KIF26B: variants seen among roughly 807,000 people sequenced by gnomAD.
KIF26B encodes the protein kinesin-like protein KIF26B.
Under a neutral mutation model 151.2 loss-of-function variants are expected in KIF26B, and 63 were observed. The ratio of observed to expected loss-of-function variants is 0.42; its 90% confidence interval spans 0.34 to 0.51. The LOEUF (loss-of-function observed/expected upper bound fraction) is 0.51, where lower values mean the gene tolerates loss of function less well. KIF26B is among the 20% of genes least tolerant of loss of function. KIF26B has a pLI of 0.07. For missense variants in KIF26B, 2,813 were observed against 2,913.6 expected (o/e 0.97, Z 0.79); for synonymous variants, 1,357 against 1,262.1 (o/e 1.08, Z -1.59).
intron 5 of KIF26B, among the ~76,000 whole-genome samples, chr1:245,566,796 G>A (rs1214612914): frequency 6.6e-6 from 1 of 152,156 alleles, no homozygotes; most frequent in Non-Finnish European, 1.5e-5. Flanking sequence ...GCATGGTGGT[G>A]TGTGCCTCTA....
chr1:245,270,252 CTTCCTTCTTCCTT>C (rs1558369427), intron 2 of KIF26B, among the ~76,000 whole-genome samples: 2 of 125,258 alleles, frequency 1.6e-5, no homozygotes, highest in Non-Finnish European at 3.2e-5. Context: ...TTCTTCTTCC[CTTCCTTCTTCCTT>C]TCCCTTCCTT....
intron 8 of KIF26B, 42 bp from the exon 9 acceptor site, chr1:245,611,751 C>A (rs774675438): frequency 4.3e-5 from 68 of 1,590,044 alleles, no homozygotes; most frequent in Non-Finnish European, 5.3e-5. Flanking sequence ...ACAGCAAGCC[C>A]TCCTCAGCCT....
intron 2 of KIF26B, among the ~76,000 whole-genome samples, chr1:245,266,265 C>G (rs147996729): frequency 2.0e-5 from 3 of 152,252 alleles, no homozygotes; most frequent in African/African-American, 4.8e-5. Context: ...ACCAACCAGA[C>G]TGGTGAAAAT....
At chr1:245,480,676 G>C (rs1283853994) in intron 4 of KIF26B, among the ~76,000 whole-genome samples, 2 of 151,312 alleles carry the variant, frequency 1.3e-5, no homozygotes. Context: ...TCTGCTGTCT[G>C]TACCTGAATT....
intron 2 of KIF26B, among the ~76,000 whole-genome samples, chr1:245,280,068 C>T (rs141820320): frequency 2.0e-5 from 3 of 152,102 alleles, no homozygotes; most frequent in Non-Finnish European, 4.4e-5. Flanking sequence ...GATCTCTCCT[C>T]TTGAGGTCCA....
Position 245,366,845 on chromosome 1 carries a change from C to A in KIF26B, c.477C>A (p.Phe159Leu). 6.2e-7 allele frequency: 1 copy of A among 1,613,900 alleles called. No individual in the cohort carries two copies. The highest frequency in any genetic ancestry group is 8.5e-7 in the Non-Finnish European group (1 of 1,179,810). ...PGPFPGKDPAFSAVIHDKLQV... is the reference protein window; with the variant it reads ...PGPFPGKDPALSAVIHDKLQV... Reference sequence around the variant, plus strand: ...TCTGTGTTCTGTAGGACCCTGCTTTCTCGGCTGTGATTCACGACAAACTCC... The same window carrying A: ...TCTGTGTTCTGTAGGACCCTGCTTTATCGGCTGTGATTCACGACAAACTCC... The change falls in exon 3 of 15, where the codon TTC becomes TTA. Residue 159 changes from phenylalanine (F) to leucine (L), a missense_variant. Around this residue, in one of 3 missense-constraint regions of KIF26B, gnomAD observed 676 missense variants for 688.1 expected, o/e 0.98. Transcript: ENST00000407071.
intron 9 of KIF26B, among the ~76,000 whole-genome samples, chr1:245,636,790 GA>G (rs2043838820): frequency 6.6e-6 from 1 of 151,846 alleles, no homozygotes; most frequent in Non-Finnish European, 1.5e-5. Flanking sequence ...TTAACATAAT[GA>G]CTTCCAGCTT....
chr1:245,694,198 A>G (rs902013505), intron 12 of KIF26B, among the ~76,000 whole-genome samples: 1 of 152,206 alleles, frequency 6.6e-6, no homozygotes. Context: ...CAGCTAAAAC[A>G]TGACAGCAGG....
At position 245,500,598 on chromosome 1, in the gene KIF26B, A is replaced by G. The variant is rs529003714; in HGVS notation, c.1167-40169A>G. Among the ~76,000 whole-genome samples the G allele has an allele frequency of 6.8e-4, 104 of 152,356 alleles. 1 individual carries two copies. The highest frequency in any genetic ancestry group is 3.4e-3 in the Middle Eastern group (1 of 294). Reference sequence around the variant, plus strand: ...GCAAGCGTTTCATCTCCTTTTGCCAATAACTTGTCAGAAACTGACTGAGGG... The same window carrying G: ...GCAAGCGTTTCATCTCCTTTTGCCAGTAACTTGTCAGAAACTGACTGAGGG... On this transcript the variant is annotated intron_variant, in intron 4 of 14. Coordinates refer to ENST00000407071, the MANE Select transcript of KIF26B (RefSeq NM_018012.4).
rs140381275 is a variant in KIF26B at position 245,646,959 on chromosome 1, G to A, written c.2258+679G>A. ...TCCACCACCATCACCCCAACTAAGC[G>A]TTCTCATTGGACCGTGTGGTGGCAG... On this transcript the variant is annotated intron_variant, in intron 10 of 14. Transcript: ENST00000407071. 3.7e-3 allele frequency among the ~76,000 whole-genome samples: 559 copies of A among 152,232 alleles called. 2 individuals carry two copies. The highest frequency in any genetic ancestry group is 0.012 in the African/African-American group (504 of 41,526).
intron 2 of KIF26B, among the ~76,000 whole-genome samples, chr1:245,308,350 A>T (rs1671597360): frequency 6.6e-6 from 1 of 152,230 alleles, no homozygotes; most frequent in East Asian, 1.9e-4. Context: ...AGTGCAGATC[A>T]GGCCAACTGA....
chr1:245,478,504 T>A (rs58841292), intron 4 of KIF26B, among the ~76,000 whole-genome samples: 6,694 of 148,494 alleles, frequency 0.045, 539 homozygotes, highest in African/African-American at 0.16. Context: ...CTCGGCTCAC[T>A]GCAAGCTCCG....
chr1:245,326,278 GA>G (rs1331832768), intron 2 of KIF26B, among the ~76,000 whole-genome samples: 1 of 151,728 alleles, frequency 6.6e-6, no homozygotes, highest in Admixed American at 6.6e-5. Flanking sequence ...TGTTTAGAAA[GA>G]AAACAAGCCG....
At chr1:245,247,288 T>TA (rs769748932) in intron 2 of KIF26B, among the ~76,000 whole-genome samples, 6,939 of 116,702 alleles carry the variant, frequency 0.059, 244 homozygotes, top group African/African-American at 0.095. Flanking sequence ...TCATCTCTAC[T>TA]AAAAAAAAAA....
chr1:245,422,632 G>A (rs1398169839), intron 4 of KIF26B, among the ~76,000 whole-genome samples: 1 of 152,228 alleles, frequency 6.6e-6, no homozygotes, highest in African/African-American at 2.4e-5. Flanking sequence ...CTTTTGATAA[G>A]TGTCTGTCCT....
At chr1:245,639,851 C>T (rs887218006) in intron 9 of KIF26B, among the ~76,000 whole-genome samples, 1 of 151,604 alleles carries the variant, frequency 6.6e-6, no homozygotes, top group Middle Eastern at 3.2e-3. Context: ...CTTTTTAAAA[C>T]TTGTTGAGAC....
At chr1:245,646,973 G>A (rs561141109) in intron 10 of KIF26B, among the ~76,000 whole-genome samples, 10 of 152,298 alleles carry the variant, frequency 6.6e-5, no homozygotes, top group East Asian at 1.9e-4. Context: ...TCATTGGACC[G>A]TGTGGTGGCA....
intron 3 of KIF26B, among the ~76,000 whole-genome samples, chr1:245,418,781 G>C (rs1658387668): frequency 6.6e-6 from 1 of 152,088 alleles, no homozygotes; most frequent in Non-Finnish European, 1.5e-5. Context: ...TATTATATTT[G>C]CCGTGGGGAT....
At chr1:245,507,704 G>C (rs981551946) in intron 4 of KIF26B, among the ~76,000 whole-genome samples, 1 of 152,174 alleles carries the variant, frequency 6.6e-6, no homozygotes, top group African/African-American at 2.4e-5. Context: ...AGAGACAGTG[G>C]AGAGGAGAGT....
Sources: allele counts gnomAD v4.1 joint callset (sites outside exome capture counted in the v4.1 genomes callset), GRCh38; gene constraint gnomAD v4.1.1; regional missense constraint gnomAD v4.1.1; transcripts MANE v1.5; gene names NCBI Gene and HGNC (gene_info 2026-07-23, HGNC 2026-07-21).